The following AFF3 variants were observed in gnomAD, a reference collection of about 807,000 sequenced individuals.
AFF3 encodes the protein ALF transcription elongation factor 3.
AFF3 carries 32 observed loss-of-function variants against 129.7 expected under a neutral mutation model. The ratio of observed to expected loss-of-function variants is 0.25; its 90% CI spans 0.19 to 0.33. The LOEUF is 0.33. Among genes scored for constraint, AFF3 ranks in the 10% least tolerant of loss-of-function variants. The probability of loss-of-function intolerance (pLI) is 1.00; values close to 1 mark genes in which losing one functional copy is unlikely to be tolerated. For missense variants in AFF3, 1,373 were observed against 1,592.0 expected (o/e 0.86, Z 2.34); for synonymous variants, 644 against 635.4 (o/e 1.01, Z -0.20).
intron 11 of AFF3, among the ~76,000 whole-genome samples, chr2:99,724,140 C>T (rs1679146838): frequency 6.6e-6 from 1 of 152,076 alleles, no homozygotes; most frequent in African/African-American, 2.4e-5. Context: ...CCTCTGCTCC[C>T]AATTTTCCTA....
intron 8 of AFF3, among the ~76,000 whole-genome samples, chr2:99,793,669 T>C (rs1685363422): frequency 6.6e-6 from 1 of 152,350 alleles, no homozygotes; most frequent in Non-Finnish European, 1.5e-5. Flanking sequence ...TTCTCTTTTC[T>C]GTTGTTTAGC....
intron 11 of AFF3, among the ~76,000 whole-genome samples, chr2:99,717,503 C>T (rs1678503517): frequency 6.6e-6 from 1 of 152,146 alleles, no homozygotes; most frequent in Non-Finnish European, 1.5e-5. Context: ...ACCTTTTCAT[C>T]TGCTTATTGG....
chr2:99,754,368 T>C (rs1381090091), intron 8 of AFF3, among the ~76,000 whole-genome samples: 1 of 152,198 alleles, frequency 6.6e-6, no homozygotes, highest in Non-Finnish European at 1.5e-5. Flanking sequence ...ATTTACATTG[T>C]CTGATCCTCA....
At chr2:99,565,819 G>A (rs959647279) in intron 19 of AFF3, among the ~76,000 whole-genome samples, 196 bp from the exon 20 acceptor site, 3 of 152,124 alleles carry the variant, frequency 2.0e-5, no homozygotes, top group Admixed American at 6.5e-5. Context: ...GTAAGTGAGC[G>A]AACAGTTATA....
chr2:99,872,655 G>A (rs1156412206), intron 7 of AFF3, among the ~76,000 whole-genome samples: 3 of 134,336 alleles, frequency 2.2e-5, no homozygotes, highest in Admixed American at 7.0e-5. Context: ...AAAATTTATC[G>A]GTCTATCTTG....
At position 100,016,254 on chromosome 2, in the gene AFF3, GGTA is replaced by G. The variant is rs1683044637; in HGVS notation, c.54-7325_54-7323del. On this transcript the variant is annotated intron_variant, in intron 4 of 24. Transcript: ENST00000672756. ...TGATGGTGGTGGGGGTGATGGCAGTGGTAGTGGTGGCGGTGGCAGTGGTAGTGG... is the reference window on the plus strand; with the variant it reads ...TGATGGTGGTGGGGGTGATGGCAGTGGTGGTGGCGGTGGCAGTGGTAGTGG... Among the ~76,000 whole-genome samples the G allele has an allele frequency of 2.0e-5, 3 of 151,432 alleles. 1 individual carries two copies. The South Asian group carries it at 6.3e-4, about 32-fold the overall frequency.
intron 8 of AFF3, among the ~76,000 whole-genome samples, chr2:99,765,344 C>A (rs1424494865): frequency 1.3e-5 from 2 of 152,306 alleles, no homozygotes; most frequent in East Asian, 1.9e-4. Context: ...TTCCACACAA[C>A]CCATTCCTGA....
intron 10 of AFF3, among the ~76,000 whole-genome samples, chr2:99,740,013 C>T (rs1680582529): frequency 7.2e-6 from 1 of 138,626 alleles, no homozygotes; most frequent in South Asian, 2.3e-4. Context: ...CTTCCTGTGT[C>T]CATGTGTTCT....
At position 99,984,727 on chromosome 2, in the gene AFF3, A is replaced by G. The variant is rs1679714543; in HGVS notation, c.873+21905T>C. Among the ~76,000 whole-genome samples the G allele has an allele frequency of 2.0e-5, 3 of 150,430 alleles. No individual in the cohort carries two copies. The South Asian group carries it at 6.3e-4, about 31-fold the overall frequency. ...CCCATCACAAGGATCTAGTTAATTC[A>G]CAGGAACTGCTTGCTGCCTGAAATT... On this transcript the variant is annotated intron_variant, in intron 7 of 24. Coordinates refer to ENST00000672756, the MANE Select transcript of AFF3 (RefSeq NM_001386135.1).
At chr2:100,095,406 G>A (rs1408837956) in intron 4 of AFF3, among the ~76,000 whole-genome samples, 2 of 152,080 alleles carry the variant, frequency 1.3e-5, no homozygotes, top group East Asian at 3.9e-4. Flanking sequence ...ATCATATAAT[G>A]GACTATGACG....
At chr2:99,575,161 C>T (rs549345046) in intron 18 of AFF3, among the ~76,000 whole-genome samples, 20 of 152,270 alleles carry the variant, frequency 1.3e-4, no homozygotes, top group African/African-American at 4.8e-4. Context: ...CCAAAAGGAA[C>T]CTGGGAGACG....
intron 7 of AFF3, among the ~76,000 whole-genome samples, chr2:99,899,685 C>T (rs1022852867): frequency 2.6e-4 from 40 of 152,114 alleles, no homozygotes; most frequent in African/African-American, 8.7e-4. Context: ...TAGTAGCTAC[C>T]GACATAGAAA....
chr2:99,551,458 C>T lies in AFF3; in HGVS notation c.*16G>A, dbSNP rs753219607. 4.3e-6 allele frequency: 7 copies of T among 1,613,552 alleles called. No homozygotes were observed. In the African/African-American group the frequency reaches 5.3e-5, roughly 12 times the overall value. On this transcript the variant is annotated 3_prime_UTR_variant, in exon 25 of 25. Transcript: ENST00000672756. ...CTGTGGAGACCAGAGCCCACTCTGG[C>T]CCCAGGGTGAGGTCCCTATGACAGG... is the stretch of plus-strand genomic sequence containing the variant.
chr2:99,910,353 G>T (rs894937355), intron 7 of AFF3, among the ~76,000 whole-genome samples: 1 of 152,112 alleles, frequency 6.6e-6, no homozygotes, highest in African/African-American at 2.4e-5. Context: ...AACTAGACTT[G>T]ATTAATAATA....
chr2:99,780,442 G>A (rs1684310697), intron 8 of AFF3, among the ~76,000 whole-genome samples: 1 of 152,080 alleles, frequency 6.6e-6, no homozygotes, highest in African/African-American at 2.4e-5. Flanking sequence ...GCAACCCAGG[G>A]TTTGGCTCTA....
chr2:99,755,454 A>G (rs997461903), intron 8 of AFF3, among the ~76,000 whole-genome samples: 6 of 151,966 alleles, frequency 3.9e-5, no homozygotes, highest in African/African-American at 1.5e-4. Context: ...TTTAGTAGAG[A>G]TGGGGTTTCT....
intron 7 of AFF3, among the ~76,000 whole-genome samples, chr2:99,952,612 T>C (rs940384661): frequency 1.3e-5 from 2 of 152,128 alleles, no homozygotes; most frequent in Non-Finnish European, 2.9e-5. Context: ...ATTAGAAAGA[T>C]GAATACATCA....
intron 9 of AFF3, among the ~76,000 whole-genome samples, chr2:99,749,602 A>C (rs1404175): frequency 0.74 from 112,278 of 152,130 alleles, 42,313 homozygotes; most frequent in East Asian, 0.92. Context: ...GCAGGGTGCC[A>C]CTGGAAGTAC....
At chr2:99,568,747 T>C in intron 19 of AFF3, 105 bp downstream of exon 19, 1 of 1,139,820 alleles carries the variant, frequency 8.8e-7, no homozygotes, top group Non-Finnish European at 1.3e-6. Context: ...GACCCGGCCA[T>C]CCTTGTAATA....
Sources: allele counts gnomAD v4.1 joint callset (sites outside exome capture counted in the v4.1 genomes callset), GRCh38; gene constraint gnomAD v4.1.1; transcripts MANE v1.5; gene names NCBI Gene and HGNC (gene_info 2026-07-23, HGNC 2026-07-21).